Variants in TANC1 observed in about 807,000 individuals in gnomAD.
TANC1 encodes the protein tetratricopeptide repeat, ankyrin repeat and coiled-coil containing 1.
In TANC1, 77 loss-of-function variants were observed where a neutral mutation model predicts 149.7. The ratio of observed to expected loss-of-function variants is 0.51; its 90% CI spans 0.43 to 0.62. TANC1 has a LOEUF of 0.62. Among genes scored for constraint, TANC1 ranks in the 20% least tolerant of loss-of-function variants. TANC1 has a pLI of 0.00. For missense variants in TANC1, 1,985 were observed against 2,321.8 expected, an observed-to-expected ratio of 0.85 and a Z score of 2.98; for synonymous variants, 854 against 925.0, an observed-to-expected ratio of 0.92 and a Z score of 1.39.
chr2:159,062,238 A>AAAAC (rs567971121), intron 2 of TANC1, among the ~76,000 whole-genome samples: 1 of 152,336 alleles, frequency 6.6e-6, no homozygotes, highest in South Asian at 2.1e-4. Context: ...ACTCCTTCTC[A>AAAAC]AAACAAACAA....
At chr2:159,195,427 G>C (rs2057772730) in intron 17 of TANC1, among the ~76,000 whole-genome samples, 1 of 152,168 alleles carries the variant, frequency 6.6e-6, no homozygotes, top group African/African-American at 2.4e-5. Context: ...GCCAGGAGCT[G>C]TCAGCTTTAA....
intron 4 of TANC1, among the ~76,000 whole-genome samples, chr2:159,110,367 G>C (rs554844116): frequency 2.0e-5 from 3 of 152,364 alleles, no homozygotes; most frequent in Admixed American, 2.0e-4. Context: ...TGTACAGTGA[G>C]TAGGCACTGT....
intron 3 of TANC1, among the ~76,000 whole-genome samples, chr2:159,074,076 A>G (rs1318371849): frequency 1.3e-5 from 2 of 152,220 alleles, no homozygotes; most frequent in Non-Finnish European, 2.9e-5. Flanking sequence ...CACATCCAGA[A>G]TCAGAGTTAG....
chr2:159,021,879 A>G (rs1406056979), intron 2 of TANC1, among the ~76,000 whole-genome samples: 1 of 152,222 alleles, frequency 6.6e-6, no homozygotes, highest in Non-Finnish European at 1.5e-5. Flanking sequence ...TATAGGTCGT[A>G]AGGCCAAGTT....
At chr2:159,136,052 G>GCA (rs1172050819) in intron 4 of TANC1, 142 bp from the exon 5 acceptor site, 2 of 396,464 alleles carry the variant, frequency 5.0e-6, no homozygotes, top group East Asian at 1.1e-4. Context: ...GTGTGTGTGC[G>GCA]CGCGCGCGCG....
intron 3 of TANC1, among the ~76,000 whole-genome samples, chr2:159,067,755 A>C (rs2042794623): frequency 6.6e-6 from 1 of 152,208 alleles, no homozygotes. Context: ...CCCCAAGCCT[A>C]AACTCACCAG....
At chr2:159,011,550 T>G (rs1282529487) in intron 2 of TANC1, among the ~76,000 whole-genome samples, 1 of 106,220 alleles carries the variant, frequency 9.4e-6, no homozygotes, top group Non-Finnish European at 1.9e-5. Flanking sequence ...TTTTTTTTTT[T>G]GCCAAGACAA....
At chr2:159,211,021 C>T (rs2058950873) in intron 19 of TANC1, among the ~76,000 whole-genome samples, 1 of 151,766 alleles carries the variant, frequency 6.6e-6, no homozygotes, top group South Asian at 2.1e-4. Context: ...TAGGCGCGTG[C>T]CACCACTCCC....
chr2:159,149,412 C>A (rs2052526448), intron 6 of TANC1, 140 bp downstream of exon 6: 3 of 1,305,350 alleles, frequency 2.3e-6, no homozygotes, highest in Non-Finnish European at 2.2e-6. Context: ...AAATTTATTT[C>A]AACAGTTTGG....
rs552514404 is a variant in TANC1, at chr2:159,180,879, C to T, written c.2510+1716C>T. Among the ~76,000 whole-genome samples, 8 of 152,158 alleles carry T rather than the reference C, an allele frequency of 5.3e-5. No homozygotes were observed. The South Asian group carries it at 1.2e-3, about 24-fold the overall frequency. ...GGCAGGGGAGGCAGGAGGTGATATGCGAGAGGGAGGCACACTTCATGTGGA... is the reference window on the plus strand; with the variant it reads ...GGCAGGGGAGGCAGGAGGTGATATGTGAGAGGGAGGCACACTTCATGTGGA... On this transcript the variant is annotated intron_variant, in intron 14 of 26. Coordinates refer to ENST00000263635, the MANE Select transcript of TANC1 (RefSeq NM_033394.3).
At chr2:159,010,723 C>CTTT (rs35513612) in intron 2 of TANC1, among the ~76,000 whole-genome samples, 76 of 132,232 alleles carry the variant, frequency 5.7e-4, no homozygotes, top group Non-Finnish European at 1.0e-3. Context: ...GAATGAAAGG[C>CTTT]TTTTTTTTTT....
At chr2:159,041,582 C>T (rs1326770892) in intron 2 of TANC1, among the ~76,000 whole-genome samples, 2 of 152,210 alleles carry the variant, frequency 1.3e-5, no homozygotes, top group African/African-American at 2.4e-5. Context: ...GGAGCGGGAC[C>T]CGCTGAGCCA....
chr2:159,044,770 A>G (rs965902429), intron 2 of TANC1, among the ~76,000 whole-genome samples: 1 of 152,052 alleles, frequency 6.6e-6, no homozygotes, highest in Non-Finnish European at 1.5e-5. Context: ...CCCCAAGGGG[A>G]TGGGGGTCAA....
rs76695172 is a variant in TANC1, at chr2:159,185,946, G to A, written c.2619+47G>A. On this transcript the variant is annotated intron_variant, in intron 15 of 26. Coordinates refer to ENST00000263635, the MANE Select transcript of TANC1 (RefSeq NM_033394.3). ...GGAAGGGTTTCTTTGTTGTCATTTT[G>A]AGGTTTTGCTTTGGAGATTTTAGAC... 99 of 1,460,952 alleles carry A rather than the reference G, an allele frequency of 6.8e-5. No individual in the cohort carries two copies. The East Asian group carries it at 1.9e-3, about 28-fold the overall frequency. The allele number at this position is 1,460,952 out of a possible 1,614,324, so 90.5% of individuals were successfully genotyped here. A position where few individuals can be genotyped will look rare whatever the true frequency, so the allele number is the denominator to read the frequency against.
chr2:159,084,901 CA>C (rs2044678869), intron 3 of TANC1, among the ~76,000 whole-genome samples: 1 of 152,146 alleles, frequency 6.6e-6, no homozygotes, highest in Admixed American at 6.5e-5. Flanking sequence ...TGGCTGGGTT[CA>C]ATTCCGGATC....
chr2:159,025,132 T>G (rs1385723382), intron 2 of TANC1, among the ~76,000 whole-genome samples: 1 of 152,064 alleles, frequency 6.6e-6, no homozygotes, highest in African/African-American at 2.4e-5. Context: ...CTTCCTTTCT[T>G]GCTTTCTTTT....
intron 1 of TANC1, among the ~76,000 whole-genome samples, chr2:158,975,449 T>C (rs1462102058): frequency 3.3e-5 from 5 of 152,202 alleles, no homozygotes; most frequent in Non-Finnish European, 7.3e-5. Flanking sequence ...CTTTTGCCAG[T>C]GACTCATTAA....
intron 3 of TANC1, among the ~76,000 whole-genome samples, chr2:159,077,780 C>T (rs891588599): frequency 6.6e-6 from 1 of 152,096 alleles, no homozygotes; most frequent in African/African-American, 2.4e-5. Context: ...GAGTGAATCT[C>T]CTTGTACATA....
At chr2:159,055,363 C>T (rs553680014) in intron 2 of TANC1, among the ~76,000 whole-genome samples, 1 of 152,344 alleles carries the variant, frequency 6.6e-6, no homozygotes, top group East Asian at 1.9e-4. Flanking sequence ...AACTGCTACA[C>T]TTTCATCCTC....
Sources: gnomAD v4.1 joint callset for allele counts (sites outside exome capture counted in the v4.1 genomes callset) on GRCh38, gnomAD v4.1.1 for gene constraint, MANE v1.5 for transcripts, NCBI Gene and HGNC (gene_info 2026-07-23, HGNC 2026-07-21) for gene names.